Variants in CDC27 observed in about 807,000 individuals in gnomAD.
The protein encoded by CDC27 is cell division cycle 27.
In CDC27, 27 loss-of-function variants were observed where a neutral mutation model predicts 109.7. The observed-to-expected ratio is 0.25, with a 90% confidence interval of 0.18 to 0.34. The LOEUF is 0.34. Among genes scored for constraint, CDC27 ranks in the 10% least tolerant of loss-of-function variants. CDC27 has a pLI of 1.00. For missense variants in CDC27, 579 were observed against 960.2 expected (o/e 0.60, Z 5.25); for synonymous variants, 266 against 333.9 (o/e 0.80, Z 2.22).
chr17:47,146,920 G>A (rs1484790259), intron 9 of CDC27, among the ~76,000 whole-genome samples: 1 of 151,848 alleles, frequency 6.6e-6, no homozygotes, highest in Non-Finnish European at 1.5e-5. Flanking sequence ...AAAAAAATTA[G>A]CCATATGTGG....
chr17:47,138,794 A>G lies in CDC27; in HGVS notation c.1649T>C (p.Val550Ala). The G allele has an allele frequency of 6.2e-7, 1 of 1,611,784 alleles. No individual in the cohort carries two copies. The highest frequency in any genetic ancestry group is 8.5e-7 in the Non-Finnish European group (1 of 1,179,048). The change falls in exon 13 of 19, where the codon GTT (valine) becomes GCT (alanine). Residue 550 changes from valine (V) to alanine (A), a missense_variant. Physicochemically the swap from Val to Ala is moderately conservative, Grantham distance 64. Around this residue, in one of 9 missense-constraint regions of CDC27, gnomAD observed 227 missense variants for 363.6 expected, o/e 0.62. Transcript: ENST00000066544. ...GTCTTTTGACAGAACTGAAAGAGCA[A>G]CATCTTTTTGAAGATGCCAAAGTGT... is the stretch of plus-strand genomic sequence containing the variant. ...STTLWHLQKD[V>A]ALSVLSKDLT...
chr17:47,127,264 C>A (rs1253155435), intron 16 of CDC27, among the ~76,000 whole-genome samples: 1 of 151,978 alleles, frequency 6.6e-6, no homozygotes, highest in Non-Finnish European at 1.5e-5. Flanking sequence ...AAAACAAAAA[C>A]TAAAGAAAGA....
chr17:47,171,961 C>A lies in CDC27; in HGVS notation c.207G>T (p.Pro69=), dbSNP rs148510863. 4 of 1,598,980 alleles carry A rather than the reference C, an allele frequency of 2.5e-6. No individual in the cohort carries two copies. The African/African-American group carries it at 4.0e-5, about 16-fold the overall frequency. ...ATTTTGCAAGCAGGTATTTGCATTG[C>A]GGTGTAGTACAACTGTGTCCTTTCA... ...RLLKGHSCTT[P]QCKYLLAKCC... The change falls in exon 3 of 19, where the codon CCG becomes CCT. Residue 69 remains proline, a synonymous_variant. Transcript: ENST00000066544.
intron 16 of CDC27, among the ~76,000 whole-genome samples, chr17:47,126,859 T>C (rs2148804300): frequency 6.6e-6 from 1 of 152,300 alleles, no homozygotes; most frequent in South Asian, 2.1e-4. Flanking sequence ...AGAGGTGTGA[T>C]CTGGGCTCAC....
intron 1 of CDC27, 132 bp from the exon 2 acceptor site, chr17:47,181,769 A>G (rs2064249295): frequency 2.0e-6 from 1 of 501,012 alleles, no homozygotes; most frequent in Non-Finnish European, 3.7e-6. Flanking sequence ...ATGCCCACAG[A>G]GCAAACTCCA....
chr17:47,170,299 G>T (rs982077592), intron 3 of CDC27: 2 of 221,658 alleles, frequency 9.0e-6, no homozygotes, highest in Non-Finnish European at 1.8e-5. Context: ...CTGGACTCAG[G>T]TGAGCCTCTT....
chr17:47,181,548 A>G lies in CDC27; in HGVS notation c.103+14T>C, dbSNP rs1196924604. 3 of 1,480,034 alleles carry G rather than the reference A, an allele frequency of 2.0e-6. No individual in the cohort carries two copies. The Admixed American group carries it at 5.0e-5, about 25-fold the overall frequency. The allele number at this position is 1,480,034 out of a possible 1,614,324, so 91.7% of individuals were successfully genotyped here. On this transcript the variant is annotated intron_variant, in intron 2 of 18. Coordinates refer to ENST00000066544, the MANE Select transcript of CDC27 (RefSeq NM_001256.6). ...ATTCATTTATCATTCTACAGCAATGAATAGATTTCAAACCTTCTGCATAAA... is the reference window on the plus strand; with the variant it reads ...ATTCATTTATCATTCTACAGCAATGGATAGATTTCAAACCTTCTGCATAAA...
chr17:47,147,583 A>G (rs957843841), intron 9 of CDC27, among the ~76,000 whole-genome samples: 1 of 151,334 alleles, frequency 6.6e-6, no homozygotes, highest in African/African-American at 2.4e-5. Flanking sequence ...GTTCAAAAAC[A>G]TAGAAGAGAC....
At chr17:47,161,355 A>C (rs2148933773) in intron 4 of CDC27, among the ~76,000 whole-genome samples, 1 of 152,336 alleles carries the variant, frequency 6.6e-6, no homozygotes, top group East Asian at 1.9e-4. Context: ...TAATTTAGAA[A>C]TAGGAAATGA....
intron 15 of CDC27, among the ~76,000 whole-genome samples, chr17:47,130,420 A>G (rs2062287717): frequency 6.6e-6 from 1 of 152,180 alleles, no homozygotes; most frequent in Admixed American, 6.5e-5. Context: ...ACTGTTTTAC[A>G]TAATTGAAAA....
chr17:47,152,023 T>C (rs574990904), intron 8 of CDC27, 105 bp from the exon 9 acceptor site: 3 of 916,994 alleles, frequency 3.3e-6, no homozygotes, highest in East Asian at 2.8e-5. Flanking sequence ...CAAGCAGCCA[T>C]AATATACTGT....
intron 18 of CDC27, 52 bp from the exon 19 acceptor site, chr17:47,121,069 G>T: frequency 8.5e-7 from 1 of 1,173,358 alleles, no homozygotes; most frequent in Non-Finnish European, 1.3e-6. Flanking sequence ...AATATGTCCT[G>T]TTGGTTCATG....
chr17:47,189,291 C>T lies in CDC27; in HGVS notation c.-119G>A, dbSNP rs952021771. 4 of 787,496 alleles carry T rather than the reference C, an allele frequency of 5.1e-6. No individual in the cohort carries two copies. Among genetic ancestry groups the T allele is most frequent in the South Asian group, 4.3e-5 (3 of 70,076 alleles). 48.8% of individuals were successfully genotyped at this position (787,496 alleles called of 1,614,324 possible). A position where few individuals can be genotyped will look rare whatever the true frequency, so the allele number is the denominator to read the frequency against. Reference sequence around the variant, plus strand: ...ACCGTTACCGGGGGATGGGGGAGGCCGAGCGATTGCCGAGTGCTTCCGAGC... The same window carrying T: ...ACCGTTACCGGGGGATGGGGGAGGCTGAGCGATTGCCGAGTGCTTCCGAGC... On this transcript the variant is annotated 5_prime_UTR_variant, in exon 1 of 19. Transcript: ENST00000066544.
At chr17:47,139,513 C>T (rs374220387) in intron 12 of CDC27, among the ~76,000 whole-genome samples, 3 of 151,784 alleles carry the variant, frequency 2.0e-5, no homozygotes, top group East Asian at 3.9e-4. Context: ...GTGATCCACC[C>T]GCCTCGGCCT....
chr17:47,174,629 T>A (rs574812562), intron 2 of CDC27, among the ~76,000 whole-genome samples: 3 of 152,156 alleles, frequency 2.0e-5, no homozygotes, highest in Admixed American at 1.3e-4. Flanking sequence ...GTCCATGTGA[T>A]GAAAAATACA....
chr17:47,185,255 T>C (rs1041221519), intron 1 of CDC27, among the ~76,000 whole-genome samples: 6 of 152,120 alleles, frequency 3.9e-5, no homozygotes, highest in African/African-American at 1.4e-4. Flanking sequence ...CTCGGCTCAC[T>C]GCAAGCTCCA....
intron 14 of CDC27, among the ~76,000 whole-genome samples, chr17:47,133,367 A>C (rs1042460729): frequency 1.4e-5 from 2 of 146,114 alleles, no homozygotes; most frequent in Non-Finnish European, 3.0e-5. Flanking sequence ...TGAACTCCTG[A>C]CCTCAGGTGA....
chr17:47,122,404 T>C, intron 18 of CDC27, 40 bp downstream of exon 18: 1 of 1,377,380 alleles, frequency 7.3e-7, no homozygotes, highest in South Asian at 1.5e-5. Flanking sequence ...ATGCAAAAGG[T>C]AACTTTCTAA....
At chr17:47,133,058 C>CAT (rs1231680471) in intron 14 of CDC27, among the ~76,000 whole-genome samples, 2,726 of 30,860 alleles carry the variant, frequency 0.088, 117 homozygotes, top group Middle Eastern at 0.22. Context: ...CACACACATA[C>CAT]ATATACACAC....
Sources: gnomAD v4.1 joint callset for allele counts (sites outside exome capture counted in the v4.1 genomes callset) on GRCh38, gnomAD v4.1.1 for gene constraint, gnomAD v4.1.1 regional missense constraint, MANE v1.5 for transcripts, NCBI Gene and HGNC (gene_info 2026-07-23, HGNC 2026-07-21) for gene names.